The following HS6ST1 variants were observed in gnomAD, a reference collection of about 807,000 sequenced individuals.
HS6ST1 encodes the protein heparan-sulfate 6-O-sulfotransferase 1.
In HS6ST1, 3 loss-of-function variants were observed where a neutral mutation model predicts 25.2. The observed-to-expected ratio is 0.12, with a 90% CI of 0.05 to 0.31. The LOEUF is 0.31. Ranked by LOEUF, HS6ST1 falls within the 10% of genes least tolerant of loss-of-function variation. HS6ST1 has a pLI of 1.00. For synonymous variants in HS6ST1, 204 were observed against 275.1 expected, an observed-to-expected ratio of 0.74 and a Z score of 2.56; for missense variants, 310 against 609.6, an observed-to-expected ratio of 0.51 and a Z score of 5.18.
Position 128,266,936 on chromosome 2 carries a change from G to A in HS6ST1, c.*1226C>T, listed in dbSNP as rs1693524998. The A allele has an allele frequency of 6.6e-6, 1 of 152,118 alleles. No homozygotes were observed. The highest frequency in any genetic ancestry group is 2.4e-5 in the African/African-American group (1 of 41,372). The allele number at this position is 152,118 out of a possible 1,614,324, so 9.4% of individuals were successfully genotyped here. A position where few individuals can be genotyped will look rare whatever the true frequency, so the allele number is the denominator to read the frequency against. On this transcript the variant is annotated 3_prime_UTR_variant, in exon 2 of 2. Transcript: ENST00000259241. ...ACAGAGCATGGCCAGCCTTTTGCCAGGGGGTGGGGAGCATGGGGAAATGCA... is the reference window on the plus strand; with the variant it reads ...ACAGAGCATGGCCAGCCTTTTGCCAAGGGGTGGGGAGCATGGGGAAATGCA...
intron 1 of HS6ST1, among the ~76,000 whole-genome samples, chr2:128,304,065 ACAGCCCC>A (rs1694171894): frequency 1.3e-5 from 2 of 152,134 alleles, no homozygotes; most frequent in Admixed American, 1.3e-4. Flanking sequence ...ACCTAACACC[ACAGCCCC>A]CAGGTTCTCA....
At chr2:128,315,541 T>G (rs1453333821) in intron 1 of HS6ST1, among the ~76,000 whole-genome samples, 1 of 151,898 alleles carries the variant, frequency 6.6e-6, no homozygotes, top group Non-Finnish European at 1.5e-5. Flanking sequence ...AGAGCCAGAG[T>G]GAAGACATCG....
intron 1 of HS6ST1, among the ~76,000 whole-genome samples, chr2:128,280,264 G>A (rs1693765369): frequency 6.6e-6 from 1 of 152,252 alleles, no homozygotes; most frequent in African/African-American, 2.4e-5. Flanking sequence ...ACTTGGGGCG[G>A]GTGGCTGCCT....
At chr2:128,288,934 G>T (rs1042152406) in intron 1 of HS6ST1, among the ~76,000 whole-genome samples, 2 of 152,136 alleles carry the variant, frequency 1.3e-5, no homozygotes, top group African/African-American at 4.8e-5. Flanking sequence ...CAGGGTCCGA[G>T]GCAAAGTCCT....
Position 128,268,768 on chromosome 2 carries a change from C to T in HS6ST1, c.630G>A (p.Met210Ile), listed in dbSNP as rs757749897. 1.2e-6 allele frequency: 2 copies of T among 1,612,764 alleles called. No homozygotes were observed. Among genetic ancestry groups the T allele is most frequent in the South Asian group, 2.2e-5 (2 of 91,068 alleles). Residue 210 changes from methionine (M) to isoleucine (I), a missense_variant, in exon 2 of 2, where the codon ATG (methionine) becomes ATA (isoleucine). Physicochemically the swap from Met to Ile is conservative, Grantham distance 10. Transcript: ENST00000259241. ...CAGGCGTGGGCGTGCGCCCATCACA[C>T]ATATGCAACGACGTCTTCCACGTGG... is the stretch of plus-strand genomic sequence containing the variant. ...RGATWKTSLH[M>I]CDGRTPTPEE... is the part of the protein sequence containing the mutation.
chr2:128,294,239 C>G (rs760429165), intron 1 of HS6ST1, among the ~76,000 whole-genome samples: 2 of 152,206 alleles, frequency 1.3e-5, no homozygotes, highest in Non-Finnish European at 2.9e-5. Context: ...GCACTGTGCT[C>G]TGGATGGCCT....
chr2:128,269,048 T>A (rs77283666), intron 1 of HS6ST1, among the ~76,000 whole-genome samples, 178 bp from the exon 2 acceptor site: 1 of 152,218 alleles, frequency 6.6e-6, no homozygotes, highest in African/African-American at 2.4e-5. Context: ...CCAAGGAGCA[T>A]GCCACGGTCA....
chr2:128,313,030 T>A (rs1694314367), intron 1 of HS6ST1, among the ~76,000 whole-genome samples: 1 of 152,070 alleles, frequency 6.6e-6, no homozygotes, highest in South Asian at 2.1e-4. Flanking sequence ...GCCATCATTG[T>A]CCAGACTGCA....
intron 1 of HS6ST1, among the ~76,000 whole-genome samples, chr2:128,309,658 C>T (rs1694260059): frequency 1.3e-5 from 2 of 152,274 alleles, no homozygotes; most frequent in South Asian, 4.1e-4. Flanking sequence ...GCTCTGATGG[C>T]CCTCCTGTTG....
intron 1 of HS6ST1, among the ~76,000 whole-genome samples, chr2:128,301,920 G>C (rs1482800041): frequency 6.6e-6 from 1 of 152,224 alleles, no homozygotes; most frequent in African/African-American, 2.4e-5. Context: ...TGTCTCCCTA[G>C]TGGGAACAGC....
intron 1 of HS6ST1, among the ~76,000 whole-genome samples, chr2:128,282,250 A>G (rs951619449): frequency 3.3e-5 from 5 of 152,352 alleles, no homozygotes; most frequent in African/African-American, 1.2e-4. Context: ...AACCACCTTT[A>G]GCCCTGCAGT....
chr2:128,311,183 C>T (rs545719492), intron 1 of HS6ST1, among the ~76,000 whole-genome samples: 54 of 152,304 alleles, frequency 3.5e-4, no homozygotes, highest in African/African-American at 1.2e-3. Flanking sequence ...AAACAGACAG[C>T]AAATCTTCAC....
At chr2:128,291,450 T>A (rs1693951315) in intron 1 of HS6ST1, among the ~76,000 whole-genome samples, 1 of 152,228 alleles carries the variant, frequency 6.6e-6, no homozygotes, top group South Asian at 2.1e-4. Flanking sequence ...TCAGTCTGGA[T>A]CCTCACTGTG....
chr2:128,271,548 CGAGG>C (rs2104910907), intron 1 of HS6ST1, among the ~76,000 whole-genome samples: 2 of 152,314 alleles, frequency 1.3e-5, no homozygotes, highest in East Asian at 3.9e-4. Flanking sequence ...CGGGGAAATG[CGAGG>C]GAGGGAGCAC....
chr2:128,288,282 C>T (rs760698676), intron 1 of HS6ST1, among the ~76,000 whole-genome samples: 18 of 152,074 alleles, frequency 1.2e-4, no homozygotes, highest in African/African-American at 2.7e-4. Context: ...CGTGGAGGCC[C>T]GAGAGGGAGG....
chr2:128,285,738 C>A (rs943750497), intron 1 of HS6ST1, among the ~76,000 whole-genome samples: 1 of 152,226 alleles, frequency 6.6e-6, no homozygotes, highest in African/African-American at 2.4e-5. Flanking sequence ...GGTGTCCCTG[C>A]CTGCCAGTTA....
intron 1 of HS6ST1, among the ~76,000 whole-genome samples, chr2:128,310,280 G>A (rs536074394): frequency 5.3e-4 from 80 of 152,292 alleles, no homozygotes; most frequent in Non-Finnish European, 9.4e-4. Context: ...TGGAACTTGC[G>A]GCGTGTCACC....
At chr2:128,315,634 CT>C (rs1333593261) in intron 1 of HS6ST1, among the ~76,000 whole-genome samples, 2 of 152,110 alleles carry the variant, frequency 1.3e-5, no homozygotes, top group African/African-American at 2.4e-5. Context: ...GGCACTGCCC[CT>C]GATAGAGAGT....
chr2:128,268,291 C>A lies in HS6ST1; in HGVS notation c.1107G>T (p.Glu369Asp). Residue 369 changes from glutamate (E) to aspartate (D), a missense_variant, in exon 2 of 2, where the codon GAG becomes GAT. By Grantham distance (45) the Glu-to-Asp change is conservative. Coordinates refer to ENST00000259241, the MANE Select transcript of HS6ST1 (RefSeq NM_004807.3). Reference sequence around the variant, plus strand: ...GCTCCTCGCGGCTCCTCAGGCGCTGCTCCCTGCGCTCCAGCTGCCGCTTGT... The same window carrying A: ...GCTCCTCGCGGCTCCTCAGGCGCTGATCCCTGCGCTCCAGCTGCCGCTTGT... ...YQYKRQLERREQRLRSREERL... is the reference protein window; with the variant it reads ...YQYKRQLERRDQRLRSREERL... 4 of 1,612,880 alleles carry A rather than the reference C, an allele frequency of 2.5e-6. No homozygotes were observed. Among genetic ancestry groups the A allele is most frequent in the Non-Finnish European group, 3.4e-6 (4 of 1,179,810 alleles).
Sources: allele counts gnomAD v4.1 joint callset (sites outside exome capture counted in the v4.1 genomes callset), GRCh38; gene constraint gnomAD v4.1.1; transcripts MANE v1.5; gene names NCBI Gene and HGNC (gene_info 2026-07-23, HGNC 2026-07-21).